ASRGL1: variants seen among roughly 807,000 people sequenced by gnomAD.
The protein encoded by ASRGL1 is asparaginase and isoaspartyl peptidase 1, also known as isoaspartyl peptidase/L-asparaginase.
Under a neutral mutation model 22.4 loss-of-function variants are expected in ASRGL1, and 16 were observed. The observed-to-expected ratio is 0.71, with a 90% CI of 0.48 to 1.08. The LOEUF is 1.08. ASRGL1 is among the 50% of genes least tolerant of loss of function. The probability of loss-of-function intolerance (pLI) is 0.00; values close to 1 mark genes in which losing one functional copy is unlikely to be tolerated. For synonymous variants in ASRGL1, 165 were observed against 159.3 expected (o/e 1.04, Z -0.27); for missense variants, 412 against 410.1 (o/e 1.00, Z -0.04).
Position 62,392,078 on chromosome 11 carries a change from G to C in ASRGL1, c.722-1G>C. On this transcript the variant is annotated splice_acceptor_variant, in intron 6 of 6. Coordinates refer to ENST00000415229, the MANE Select transcript of ASRGL1 (RefSeq NM_001083926.2). LOFTEE classifies it high-confidence loss of function. ...GTTTCTCAACCCTTCCTTGTTTTCA[G>C]GAAAGACGGTAGAAGAGGCTGCGGA... 1.9e-6 allele frequency: 3 copies of C among 1,614,128 alleles called. No homozygotes were observed. The highest frequency in any genetic ancestry group is 1.7e-6 in the Non-Finnish European group (2 of 1,179,974).
rs181130925 is a variant in ASRGL1 at position 62,372,455 on chromosome 11, A to G, written c.491+15311A>G. Reference sequence around the variant, plus strand: ...AACCTCTATTCCTTTGGGTGCCCTGAATATGGTCAGCTGGGACACAACTCA... The same window carrying G: ...AACCTCTATTCCTTTGGGTGCCCTGGATATGGTCAGCTGGGACACAACTCA... On this transcript the variant is annotated intron_variant, in intron 4 of 6. Transcript: ENST00000415229. 8.5e-6 allele frequency: 13 copies of G among 1,532,376 alleles called. No individual in the cohort carries two copies. The Admixed American group carries it at 2.0e-4, about 24-fold the overall frequency. 94.9% of individuals were successfully genotyped at this position (1,532,376 alleles called of 1,614,324 possible).
chr11:62,391,144 C>T (rs1198112324), intron 5 of ASRGL1, among the ~76,000 whole-genome samples: 1 of 152,170 alleles, frequency 6.6e-6, no homozygotes, highest in Non-Finnish European at 1.5e-5. Context: ...GATGGCCTTG[C>T]TAGAGATCCA....
intron 4 of ASRGL1, among the ~76,000 whole-genome samples, chr11:62,373,819 T>C (rs1946840649): frequency 6.6e-6 from 1 of 152,246 alleles, no homozygotes; most frequent in Non-Finnish European, 1.5e-5. Context: ...TGGGGATCTG[T>C]GTTTAGCCAC....
chr11:62,394,655 G>C (rs1473213817), downstream of ASRGL1, among the ~76,000 whole-genome samples: 2 of 152,120 alleles, frequency 1.3e-5, no homozygotes, highest in African/African-American at 2.4e-5. Flanking sequence ...TTTTGAGCTT[G>C]TCTTACCAAT....
At chr11:62,344,415 GA>G (rs1247598787) in intron 2 of ASRGL1, among the ~76,000 whole-genome samples, 1 of 152,156 alleles carries the variant, frequency 6.6e-6, no homozygotes, top group Non-Finnish European at 1.5e-5. Flanking sequence ...CAACTTTGCA[GA>G]AGTCCAGTTT....
intron 2 of ASRGL1, among the ~76,000 whole-genome samples, chr11:62,350,264 A>ATCAT (rs1302626577): frequency 2.0e-5 from 3 of 152,142 alleles, no homozygotes; most frequent in Admixed American, 1.3e-4. Flanking sequence ...TGTTGCCCAT[A>ATCAT]TCATTTATTT....
intron 4 of ASRGL1, among the ~76,000 whole-genome samples, chr11:62,361,552 A>G (rs1352564976): frequency 6.9e-6 from 1 of 144,480 alleles, no homozygotes; most frequent in Non-Finnish European, 1.5e-5. Flanking sequence ...CAGTGGTACA[A>G]TCTCGGCTCA....
intron 4 of ASRGL1, among the ~76,000 whole-genome samples, chr11:62,384,932 TTCAC>T (rs1947165298): frequency 2.1e-5 from 3 of 141,806 alleles, no homozygotes; most frequent in African/African-American, 7.8e-5. Context: ...AAAAAAAAAG[TTCAC>T]CTTATATACA....
At chr11:62,351,641 A>G (rs1946168840) in intron 2 of ASRGL1, among the ~76,000 whole-genome samples, 1 of 144,460 alleles carries the variant, frequency 6.9e-6, no homozygotes, top group Non-Finnish European at 1.5e-5. Context: ...CAAGGGTGAA[A>G]CTCATCTCCA....
downstream of ASRGL1, among the ~76,000 whole-genome samples, chr11:62,395,647 G>A (rs141070586): frequency 1.1e-4 from 16 of 152,116 alleles, no homozygotes; most frequent in East Asian, 2.7e-3. Context: ...GTGTGGGGAA[G>A]GCTGGGAAGG....
intron 4 of ASRGL1, among the ~76,000 whole-genome samples, chr11:62,377,992 A>AT (rs908616208): frequency 9.9e-5 from 15 of 151,830 alleles, no homozygotes; most frequent in African/African-American, 2.4e-4. Flanking sequence ...CACTAATTTA[A>AT]TTTTTTTTGT....
At chr11:62,394,271 T>C (rs1947403628), downstream of ASRGL1, among the ~76,000 whole-genome samples, 1 of 142,892 alleles carries the variant, frequency 7.0e-6, no homozygotes, top group Non-Finnish European at 1.5e-5. Context: ...ATACTATATA[T>C]TATATATCAT....
chr11:62,351,554 G>A (rs1946166927), intron 2 of ASRGL1, among the ~76,000 whole-genome samples: 1 of 151,958 alleles, frequency 6.6e-6, no homozygotes, highest in African/African-American at 2.4e-5. Context: ...GGAAGCTGAG[G>A]CAGGAGAATC....
rs991406221 is a variant in ASRGL1, at chr11:62,337,483, G to C, written c.-180G>C. The C allele has an allele frequency of 1.2e-5, 2 of 160,244 alleles. No individual in the cohort carries two copies. Among genetic ancestry groups the C allele is most frequent in the African/African-American group, 4.8e-5 (2 of 41,548 alleles). 9.9% of individuals were successfully genotyped at this position (160,244 alleles called of 1,614,324 possible). A position where few individuals can be genotyped will look rare whatever the true frequency, so the allele number is the denominator to read the frequency against. ...GAGCGGTTGCGGGCTGAGCGGTTTC[G>C]AGCCGGCGTCGGGGAGCGGCGGTAC... On this transcript the variant is annotated 5_prime_UTR_variant, in exon 1 of 7. Transcript: ENST00000415229.
At chr11:62,354,469 T>C (rs1412475377) in intron 2 of ASRGL1, among the ~76,000 whole-genome samples, 1 of 152,180 alleles carries the variant, frequency 6.6e-6, no homozygotes, top group African/African-American at 2.4e-5. Context: ...CAATAACTGA[T>C]AATAAAAGAG....
At position 62,340,337 on chromosome 11, in the gene ASRGL1, G is replaced by A. The variant is rs563235484; in HGVS notation, c.190+2170G>A. 2.0e-5 allele frequency among the ~76,000 whole-genome samples: 3 copies of A among 152,300 alleles called. No individual in the cohort carries two copies. The South Asian group carries it at 6.2e-4, about 32-fold the overall frequency. ...ATAGTGTGCTTTCATGGCTCCATTTGTAGAGCCAGAATTTACCAGATAGGC... is the reference window on the plus strand; with the variant it reads ...ATAGTGTGCTTTCATGGCTCCATTTATAGAGCCAGAATTTACCAGATAGGC... On this transcript the variant is annotated intron_variant, in intron 2 of 6. Coordinates refer to ENST00000415229, the MANE Select transcript of ASRGL1 (RefSeq NM_001083926.2).
At chr11:62,369,037 G>C (rs374852735) in intron 4 of ASRGL1, among the ~76,000 whole-genome samples, 2 of 152,116 alleles carry the variant, frequency 1.3e-5, no homozygotes, top group South Asian at 2.1e-4. Flanking sequence ...GACCCTTTAC[G>C]GGTGTCAGGC....
intron 2 of ASRGL1, among the ~76,000 whole-genome samples, chr11:62,343,317 G>A (rs898034060): frequency 1.4e-5 from 2 of 146,328 alleles, no homozygotes; most frequent in African/African-American, 2.5e-5. Flanking sequence ...GGTAGAGGTC[G>A]CAGTGAGCTG....
downstream of ASRGL1, among the ~76,000 whole-genome samples, chr11:62,396,384 C>A (rs185899799): frequency 2.0e-3 from 310 of 152,216 alleles, no homozygotes; most frequent in African/African-American, 7.1e-3. Flanking sequence ...GAGCCACAGC[C>A]GTCCATAGCA....
Sources: gnomAD v4.1 joint callset for allele counts (sites outside exome capture counted in the v4.1 genomes callset) on GRCh38, gnomAD v4.1.1 for gene constraint, MANE v1.5 for transcripts, NCBI Gene and HGNC (gene_info 2026-07-23, HGNC 2026-07-21) for gene names.